Variants in POLDIP2 observed in about 807,000 individuals in gnomAD.
POLDIP2 encodes DNA polymerase delta interacting protein 2, also known as polymerase delta-interacting protein 2.
POLDIP2 carries 32 observed loss-of-function variants against 52.9 expected under a neutral mutation model. The ratio of observed to expected loss-of-function variants is 0.61; its 90% CI spans 0.46 to 0.81. The LOEUF is 0.81. Ranked by LOEUF, POLDIP2 falls within the 40% of genes least tolerant of loss-of-function variation. The pLI, the probability that POLDIP2 is intolerant of heterozygous loss-of-function variation, is 0.00. For missense variants in POLDIP2, 371 were observed against 477.3 expected, an observed-to-expected ratio of 0.78 and a Z score of 2.07; for synonymous variants, 183 against 183.0, an observed-to-expected ratio of 1.00 and a Z score of 0.00.
chr17:28,355,930 T>A (rs1386795898), intron 1 of POLDIP2, 54 bp from the exon 2 acceptor site: 2 of 1,414,806 alleles, frequency 1.4e-6, no homozygotes, highest in Admixed American at 3.7e-5. Flanking sequence ...GTAATGGTAG[T>A]TATCCATAAG....
chr17:28,357,289 G>C lies in POLDIP2; in HGVS notation c.160C>G (p.Arg54Gly). 3 of 1,571,676 alleles carry C rather than the reference G, an allele frequency of 1.9e-6. No individual in the cohort carries two copies. Among genetic ancestry groups the C allele is most frequent in the Non-Finnish European group, 2.6e-6 (3 of 1,168,842 alleles). ...TTTTRRHLSS[R>G]NRPEGKVLET... ...GCGCCCCCTGGCTCCGTCCCTCACC[G>C]GGACGAGAGGTGCCTCCGCGTCGTC... The change falls in exon 1 of 11, where the codon CGA becomes GGA. Residue 54 changes from arginine (R) to glycine (G), a missense_variant and splice_region_variant. Physicochemically the swap from Arg to Gly is moderately radical, Grantham distance 125 (BLOSUM62 -2). Coordinates refer to ENST00000540200, the MANE Select transcript of POLDIP2 (RefSeq NM_015584.5).
In POLDIP2 at chr17:28,355,628, A is replaced by T. The variant is rs565606755; in HGVS notation, c.243+167T>A. ...GTCTCACAAAAAATAAATAAATAAA[A>T]TAAATAAATAAAATAAAAAATGAAT... On this transcript the variant is annotated intron_variant, in intron 2 of 10. Coordinates refer to ENST00000540200, the MANE Select transcript of POLDIP2 (RefSeq NM_015584.5). Among the ~76,000 whole-genome samples the T allele has an allele frequency of 1.1e-4, 16 of 152,242 alleles. No homozygotes were observed. The East Asian group carries it at 2.9e-3, about 28-fold the overall frequency.
intron 1 of POLDIP2, 39 bp downstream of exon 1, chr17:28,357,249 C>A (rs782175089): frequency 1.4e-6 from 2 of 1,389,302 alleles, no homozygotes; most frequent in East Asian, 3.0e-5. Context: ...CTCTGGGCTC[C>A]AGGCCCAGTT....
At position 28,352,237 on chromosome 17, in the gene POLDIP2, C is replaced by CTTTTTTTTT. The variant is rs782311219; in HGVS notation, c.623-446_623-438dup. The stretch of plus-strand genomic sequence containing the variant: ...TGGAAATAGAGCGTTGGAATTATTT[C>CTTTTTTTTT]TTTTTTTTTTTTTTTTTTGGAGACG... On this transcript the variant is annotated intron_variant, in intron 6 of 10. Coordinates refer to ENST00000540200, the MANE Select transcript of POLDIP2 (RefSeq NM_015584.5). Among the ~76,000 whole-genome samples the CTTTTTTTTT allele has an allele frequency of 1.9e-3, 163 of 87,638 alleles. 24 individuals carry two copies. The highest frequency in any genetic ancestry group is 5.6e-3 in the African/African-American group (116 of 20,578). 57.5% of individuals were successfully genotyped at this position (87,638 alleles called of 152,430 possible).
At chr17:28,357,129 G>GT (rs557827219) in intron 1 of POLDIP2, among the ~76,000 whole-genome samples, 159 bp downstream of exon 1, 2 of 152,358 alleles carry the variant, frequency 1.3e-5, no homozygotes, top group East Asian at 3.9e-4. Context: ...CCTGGCACAT[G>GT]TCCCAGACAG....
intron 2 of POLDIP2, 64 bp from the exon 3 acceptor site, chr17:28,354,649 A>G (rs1304389324): frequency 2.7e-6 from 3 of 1,094,302 alleles, no homozygotes; most frequent in Non-Finnish European, 4.1e-6. Flanking sequence ...TGGGCCCCAG[A>G]CCACAAAGCA....
In POLDIP2 at chr17:28,357,279, GT is replaced by G. The variant is rs552965062; in HGVS notation, c.161+8del. On this transcript the variant is annotated splice_region_variant and intron_variant, in intron 1 of 10. Transcript: ENST00000540200. ...CCAGTTCCTCGCGCCCCCTGGCTCC[GT>G]CCCTCACCGGGACGAGAGGTGCCTC... The G allele has an allele frequency of 3.6e-4, 571 of 1,566,346 alleles. 3 individuals are homozygous for G. The African/African-American group carries it at 7.2e-3, about 20-fold the overall frequency.
chr17:28,355,918 A>C, intron 1 of POLDIP2, 42 bp from the exon 2 acceptor site: 1 of 1,464,242 alleles, frequency 6.8e-7, no homozygotes, highest in Non-Finnish European at 9.5e-7. Flanking sequence ...AAAGCTGAGA[A>C]GGTAATGGTA....
intron 9 of POLDIP2, 68 bp from the exon 10 acceptor site, chr17:28,349,230 C>T: frequency 8.9e-7 from 1 of 1,120,532 alleles, no homozygotes; most frequent in Non-Finnish European, 1.3e-6. Flanking sequence ...CCCAGGGTTA[C>T]ATGCTGACTG....
chr17:28,357,488 C>A lies in POLDIP2; in HGVS notation c.-40G>T. 2 of 1,433,262 alleles carry A rather than the reference C, an allele frequency of 1.4e-6. No individual in the cohort carries two copies. The highest frequency in any genetic ancestry group is 9.1e-7 in the Non-Finnish European group (1 of 1,104,910). The allele number at this position is 1,433,262 out of a possible 1,614,324, so 88.8% of individuals were successfully genotyped here. Reference sequence around the variant, plus strand: ...CCCGCCCGGCTGCTGACACAGAGCCCGACCCGCGGCCGGGCGGCGTTCCGC... The same window carrying A: ...CCCGCCCGGCTGCTGACACAGAGCCAGACCCGCGGCCGGGCGGCGTTCCGC... On this transcript the variant is annotated 5_prime_UTR_variant, in exon 1 of 11. Coordinates refer to ENST00000540200, the MANE Select transcript of POLDIP2 (RefSeq NM_015584.5).
At chr17:28,353,148 T>TG (rs2142397584) in intron 5 of POLDIP2, 93 bp downstream of exon 5, 1 of 763,598 alleles carries the variant, frequency 1.3e-6, no homozygotes, top group East Asian at 2.6e-5. Context: ...AGCATCATAA[T>TG]CCCTCCCAGT....
At position 28,346,953 on chromosome 17, in the gene POLDIP2, C is replaced by G. The variant is rs1183557488; in HGVS notation, c.*1164G>C. On this transcript the variant is annotated 3_prime_UTR_variant, in exon 11 of 11. Coordinates refer to ENST00000540200, the MANE Select transcript of POLDIP2 (RefSeq NM_015584.5). ...ATCACATAACTGTAATATTTGGTTG[C>G]TCAGCATAAGTGATGGAAGCAAACA... is the stretch of plus-strand genomic sequence containing the variant. 3 of 152,214 alleles carry G rather than the reference C, an allele frequency of 2.0e-5. No homozygotes were observed. Among genetic ancestry groups the G allele is most frequent in the African/African-American group, 7.2e-5 (3 of 41,452 alleles). The allele number at this position is 152,214 out of a possible 1,614,324, so 9.4% of individuals were successfully genotyped here.
Position 28,353,758 on chromosome 17 carries a change from C to T in POLDIP2, c.375G>A (p.Glu125=), listed in dbSNP as rs201741010. 1.3e-4 allele frequency: 203 copies of T among 1,613,404 alleles called. No individual in the cohort carries two copies. In the African/African-American group the frequency reaches 2.5e-3, roughly 20 times the overall value. Residue 125 remains glutamate, a synonymous_variant, in exon 4 of 11, where the codon GAG becomes GAA. Coordinates refer to ENST00000540200, the MANE Select transcript of POLDIP2 (RefSeq NM_015584.5). ...AENPAGHGSK[E]VKGKTHTYYQ... ...AGTAAGTGTGAGTTTTGCCTTTCACCTCCTTGGAGCCATGGCCAGCAGGGT... is the reference window on the plus strand; with the variant it reads ...AGTAAGTGTGAGTTTTGCCTTTCACTTCCTTGGAGCCATGGCCAGCAGGGT...
chr17:28,348,572 C>A (rs971274610), intron 10 of POLDIP2, among the ~76,000 whole-genome samples: 1 of 152,122 alleles, frequency 6.6e-6, no homozygotes, highest in Non-Finnish European at 1.5e-5. Context: ...ATTAGCCGGG[C>A]GTGGTGGCGC....
intron 4 of POLDIP2, 36 bp downstream of exon 4, chr17:28,353,659 A>G (rs1907908153): frequency 2.8e-6 from 4 of 1,418,656 alleles, no homozygotes; most frequent in Non-Finnish European, 4.0e-6. Context: ...CTTTCCATGG[A>G]GAGGACCCCC....
intron 10 of POLDIP2, 70 bp downstream of exon 10, chr17:28,349,013 C>A: frequency 9.2e-7 from 1 of 1,085,748 alleles, no homozygotes; most frequent in South Asian, 1.4e-5. Flanking sequence ...GCTCTAAGCT[C>A]TCACTTTTCT....
intron 1 of POLDIP2, among the ~76,000 whole-genome samples, chr17:28,356,269 T>A (rs1335272397): frequency 2.0e-5 from 3 of 152,084 alleles, no homozygotes; most frequent in Non-Finnish European, 4.4e-5. Context: ...TTTCTTACAT[T>A]TTCTATATCA....
rs1907581826 is a variant in POLDIP2 at position 28,346,713 on chromosome 17, G to A, written c.*1404C>T. 6.6e-6 allele frequency: 1 copy of A among 152,204 alleles called. No homozygotes were observed. The highest frequency in any genetic ancestry group is 1.5e-5 in the Non-Finnish European group (1 of 68,032). The allele number at this position is 152,204 out of a possible 1,614,324, so 9.4% of individuals were successfully genotyped here. On this transcript the variant is annotated 3_prime_UTR_variant, in exon 11 of 11. Coordinates refer to ENST00000540200, the MANE Select transcript of POLDIP2 (RefSeq NM_015584.5). ...GAAAGTTTCCAGCCCTATTCAGAAA[G>A]CAACTCTTGGCTGTGTGCATTTTTC...
At chr17:28,354,432 T>C in intron 3 of POLDIP2, 56 bp downstream of exon 3, 2 of 1,229,536 alleles carry the variant, frequency 1.6e-6, no homozygotes, top group Non-Finnish European at 2.3e-6. Flanking sequence ...CCCAATTACA[T>C]ATGTCTGCCA....
Sources: allele counts gnomAD v4.1 joint callset (sites outside exome capture counted in the v4.1 genomes callset), GRCh38; gene constraint gnomAD v4.1.1; transcripts MANE v1.5; gene names NCBI Gene and HGNC (gene_info 2026-07-23, HGNC 2026-07-21).